The following LALBA variants were observed in gnomAD, a reference collection of about 807,000 sequenced individuals.
The protein encoded by LALBA is alpha-lactalbumin.
A neutral mutation model predicts 13.4 loss-of-function variants in LALBA; 12 were observed. The ratio of observed to expected loss-of-function variants is 0.89; its 90% CI spans 0.57 to 1.45. The LOEUF (loss-of-function observed/expected upper bound fraction) is 1.45, where lower values mean the gene tolerates loss of function less well. Ranked by LOEUF, LALBA falls within the 40% of genes most tolerant of loss-of-function variation. The pLI is 0.00. For synonymous variants in LALBA, 64 were observed against 61.0 expected, an observed-to-expected ratio of 1.05 and a Z score of -0.23; for missense variants, 145 against 165.9, an observed-to-expected ratio of 0.87 and a Z score of 0.69.
chr12:48,571,220 G>A (rs2137135505), upstream of LALBA, among the ~76,000 whole-genome samples: 1 of 152,110 alleles, frequency 6.6e-6, no homozygotes, highest in East Asian at 1.9e-4. Flanking sequence ...ATCTCTATAA[G>A]GTCAGTGCCC....
upstream of LALBA, among the ~76,000 whole-genome samples, chr12:48,571,267 G>C (rs1309475502): frequency 6.6e-6 from 1 of 151,848 alleles, no homozygotes; most frequent in South Asian, 2.1e-4. Flanking sequence ...GTTCTGAATA[G>C]CTCCTTTAAT....
At chr12:48,569,521 C>T (rs920745422) in intron 1 of LALBA, among the ~76,000 whole-genome samples, 2 of 152,108 alleles carry the variant, frequency 1.3e-5, no homozygotes, top group African/African-American at 4.8e-5. Flanking sequence ...TGAGACCAGC[C>T]TGGCCAACAT....
chr12:48,568,623 C>G (rs1383049282), intron 2 of LALBA, 31 bp from the exon 3 acceptor site: 3 of 1,376,630 alleles, frequency 2.2e-6, no homozygotes, highest in African/African-American at 2.9e-5. Flanking sequence ...AGGATTGAGA[C>G]AGCTGACAAG....
chr12:48,569,391 A>T (rs1048171626), intron 1 of LALBA, 151 bp from the exon 2 acceptor site: 63 of 671,280 alleles, frequency 9.4e-5, no homozygotes, highest in Non-Finnish European at 1.5e-4. Flanking sequence ...TCCAAAAAAA[A>T]ATCAGACAAT....
At chr12:48,570,270 A>G (rs1938617871), upstream of LALBA, among the ~76,000 whole-genome samples, 1 of 152,156 alleles carries the variant, frequency 6.6e-6, no homozygotes, top group Non-Finnish European at 1.5e-5. Flanking sequence ...AGTTCAAACC[A>G]TGATCCTGCT....
Position 48,567,742 on chromosome 12 carries a change from T to A in LALBA, c.*215A>T. The A allele has an allele frequency of 1.9e-5, 10 of 516,072 alleles. No homozygotes were observed. The highest frequency in any genetic ancestry group is 3.2e-5 in the Non-Finnish European group (9 of 283,698). The allele number at this position is 516,072 out of a possible 1,614,324, so 32.0% of individuals were successfully genotyped here. ...GGTGAAATCTGTGCTGTAGTGAAAG[T>A]GCCATCGAAGGCACTGAGTAAGGGT... On this transcript the variant is annotated 3_prime_UTR_variant, in exon 4 of 4. Coordinates refer to ENST00000301046, the MANE Select transcript of LALBA (RefSeq NM_002289.3).
upstream of LALBA, chr12:48,570,073 T>C: frequency 1.2e-6 from 2 of 1,605,122 alleles, no homozygotes; most frequent in Non-Finnish European, 1.7e-6. Flanking sequence ...TTCATTTATT[T>C]ATATTCATGC....
upstream of LALBA, among the ~76,000 whole-genome samples, chr12:48,570,313 T>C (rs1229068470): frequency 6.6e-6 from 1 of 152,184 alleles, no homozygotes; most frequent in Non-Finnish European, 1.5e-5. Context: ...CTTTGTTTCT[T>C]GTAGGGTTGG....
chr12:48,571,635 T>G (rs1938635338), upstream of LALBA, among the ~76,000 whole-genome samples: 1 of 152,070 alleles, frequency 6.6e-6, no homozygotes, highest in South Asian at 2.1e-4. Context: ...TTTGCCTGCC[T>G]GGGCCTCGGC....
At chr12:48,568,098 C>A in intron 3 of LALBA, 81 bp from the exon 4 acceptor site, 4 of 1,091,944 alleles carry the variant, frequency 3.7e-6, no homozygotes, top group Non-Finnish European at 4.1e-6. Context: ...AGTGGAAGAG[C>A]GTGGACGAGA....
rs896824553 is a variant in LALBA, at chr12:48,568,075, C to T, written c.369-58G>A. ...GCTGACTGAATCTTTACATTCATTC[C>T]CAGGAGGGCTGAAGTGGAAGAGCGT... is the stretch of plus-strand genomic sequence containing the variant. On this transcript the variant is annotated intron_variant, in intron 3 of 3. Coordinates refer to ENST00000301046, the MANE Select transcript of LALBA (RefSeq NM_002289.3). 3 of 1,339,382 alleles carry T rather than the reference C, an allele frequency of 2.2e-6. No individual in the cohort carries two copies. In the African/African-American group the frequency reaches 4.3e-5, roughly 19 times the overall value. The allele number at this position is 1,339,382 out of a possible 1,614,324, so 83.0% of individuals were successfully genotyped here.
upstream of LALBA, among the ~76,000 whole-genome samples, chr12:48,571,417 C>T (rs1163245977): frequency 1.2e-5 from 1 of 81,372 alleles, no homozygotes; most frequent in East Asian, 4.3e-4. Flanking sequence ...CCAAGTCTCA[C>T]TCTGTTGCCC....
chr12:48,568,314 G>C, intron 3 of LALBA: 1 of 609,818 alleles, frequency 1.6e-6, no homozygotes, highest in East Asian at 2.8e-5. Context: ...CCTCCATTAG[G>C]CAACCCCTTA....
chr12:48,569,767 A>G, intron 1 of LALBA, 121 bp downstream of exon 1: 1 of 863,068 alleles, frequency 1.2e-6, no homozygotes, highest in Non-Finnish European at 1.8e-6. Flanking sequence ...GAGTATGCAA[A>G]TGAGCAGAAA....
upstream of LALBA, among the ~76,000 whole-genome samples, chr12:48,570,261 G>A (rs1449367443): frequency 6.6e-6 from 1 of 152,112 alleles, no homozygotes; most frequent in Non-Finnish European, 1.5e-5. Flanking sequence ...GCCAGAAAGA[G>A]TTCAAACCAT....
Position 48,569,177 on chromosome 12 carries a change from C to T in LALBA, c.197G>A (p.Ser66Asn), listed in dbSNP as rs138577105. Residue 66 changes from serine to asparagine, a missense_variant, in exon 2 of 4, where the codon AGC (serine) becomes AAC (asparagine). Transcript: ENST00000301046. ...DTQAIVENNESTEYGLFQISN... is the reference protein window; with the variant it reads ...DTQAIVENNENTEYGLFQISN... ...GATCTGGAAGAGTCCATATTCCGTG[C>T]TTTCATTGTTTTCAACTATGGCTTG... is the stretch of plus-strand genomic sequence containing the variant. 1.8e-4 allele frequency: 286 copies of T among 1,613,574 alleles called. 1 individual carries two copies. The highest frequency in any genetic ancestry group is 2.2e-4 in the Non-Finnish European group (259 of 1,179,612).
At chr12:48,569,737 T>C in intron 1 of LALBA, 151 bp downstream of exon 1, 1 of 697,676 alleles carries the variant, frequency 1.4e-6, no homozygotes, top group Non-Finnish European at 2.4e-6. Flanking sequence ...TACATACATA[T>C]ATACATACAT....
At chr12:48,569,033 A>G (rs1241593220) in intron 2 of LALBA, 49 bp downstream of exon 2, 1 of 1,497,640 alleles carries the variant, frequency 6.7e-7, no homozygotes, top group East Asian at 2.3e-5. Context: ...GATTATCCCA[A>G]GGGCAGGCCT....
upstream of LALBA, chr12:48,570,079 C>A: frequency 6.3e-7 from 1 of 1,596,462 alleles, no homozygotes; most frequent in Non-Finnish European, 8.6e-7. Flanking sequence ...TATTTATATT[C>A]ATGCAGAAAG....
Sources: gnomAD v4.1 joint callset for allele counts (sites outside exome capture counted in the v4.1 genomes callset) on GRCh38, gnomAD v4.1.1 for gene constraint, MANE v1.5 for transcripts, NCBI Gene and HGNC (gene_info 2026-07-23, HGNC 2026-07-21) for gene names.